Variants in PTPRA observed in about 807,000 individuals in gnomAD.
PTPRA encodes receptor-type tyrosine-protein phosphatase alpha.
A neutral mutation model predicts 104.8 loss-of-function variants in PTPRA; 25 were observed. That is an observed-to-expected ratio of 0.24 (90% confidence interval 0.17 to 0.33). The LOEUF (loss-of-function observed/expected upper bound fraction) is 0.33, where lower values mean the gene tolerates loss of function less well. Ranked by LOEUF, PTPRA falls within the 10% of genes least tolerant of loss-of-function variation. The pLI, the probability that PTPRA is intolerant of heterozygous loss-of-function variation, is 1.00. For missense variants in PTPRA, 765 were observed against 1,015.3 expected, an observed-to-expected ratio of 0.75 and a Z score of 3.35; for synonymous variants, 323 against 368.9, an observed-to-expected ratio of 0.88 and a Z score of 1.43.
chr20:2,961,751 T>A (rs1457400758), intron 3 of PTPRA, among the ~76,000 whole-genome samples: 1 of 152,224 alleles, frequency 6.6e-6, no homozygotes, highest in African/African-American at 2.4e-5. Flanking sequence ...TTATGATTGA[T>A]ATTTAGGTCT....
the PTPRA span, chr20:2,864,930 G>A: frequency 7.4e-6 from 12 of 1,611,484 alleles, no homozygotes; most frequent in East Asian, 2.2e-5. This position sits in a 1 kb window ranked among gnomAD's most constrained non-coding sequence, Gnocchi z 5.2. Context: ...TGAGGAGGGC[G>A]AGGGTCCTGC....
At chr20:2,871,794 G>A (rs767848963), upstream of PTPRA, among the ~76,000 whole-genome samples, 3 of 152,230 alleles carry the variant, frequency 2.0e-5, no homozygotes, top group Non-Finnish European at 4.4e-5. Context: ...ACTGGGGTCT[G>A]AGCGTTAGGA....
intron 13 of PTPRA, among the ~76,000 whole-genome samples, chr20:3,019,573 T>G (rs1406877592): frequency 2.8e-5 from 4 of 141,090 alleles, no homozygotes; most frequent in South Asian, 2.3e-4. Context: ...GGGCAGAGAC[T>G]CTCCTCACTT....
chr20:2,881,131 A>G (rs2090024249), intron 1 of PTPRA, among the ~76,000 whole-genome samples: 1 of 151,944 alleles, frequency 6.6e-6, no homozygotes, highest in African/African-American at 2.4e-5. Flanking sequence ...ACACAGTGAA[A>G]CCCCATCTCT....
intron 1 of PTPRA, among the ~76,000 whole-genome samples, chr20:2,882,148 A>G (rs946209074): frequency 2.0e-5 from 3 of 152,260 alleles, no homozygotes; most frequent in Admixed American, 1.3e-4. Flanking sequence ...TGGAAGATGT[A>G]TAGAAAACAT....
chr20:3,037,094 A>T lies in PTPRA; in HGVS notation c.2199-60A>T. The stretch of plus-strand genomic sequence containing the variant: ...ACCTCTTCTGCCACTCACCACTGTC[A>T]CTCACCCCCTTGCACAGAGGGCCAT... On this transcript the variant is annotated intron_variant, in intron 22 of 23. Transcript: ENST00000399903. The surrounding 1 kb of genome is among the most constrained non-coding windows in gnomAD (Gnocchi z 4.3). 1.3e-6 allele frequency: 2 copies of T among 1,583,236 alleles called. No homozygotes were observed. Among genetic ancestry groups the T allele is most frequent in the Middle Eastern group, 3.5e-4 (2 of 5,778 alleles).
At position 2,918,087 on chromosome 20, in the gene PTPRA, CAAA is replaced by C. The variant is rs149539458; in HGVS notation, c.-128-5101_-128-5099del. 1.8e-3 allele frequency among the ~76,000 whole-genome samples: 168 copies of C among 94,292 alleles called. 1 individual carries two copies. Among genetic ancestry groups the C allele is most frequent in the African/African-American group, 4.6e-3 (107 of 23,360 alleles). 61.9% of individuals were successfully genotyped at this position (94,292 alleles called of 152,430 possible). ...TGGGCGATAGAGTGAGACTCTGTCT[CAAA>C]AAAAAAAAAAAAAAAAAAGACAGTG... On this transcript the variant is annotated intron_variant, in intron 1 of 23. Coordinates refer to ENST00000399903, the MANE Select transcript of PTPRA (RefSeq NM_001385305.1).
chr20:2,947,238 G>C (rs894236362), intron 2 of PTPRA, among the ~76,000 whole-genome samples: 1 of 152,092 alleles, frequency 6.6e-6, no homozygotes, highest in Non-Finnish European at 1.5e-5. Context: ...ATGGATTGTA[G>C]AGCTTAAATT....
intron 9 of PTPRA, among the ~76,000 whole-genome samples, chr20:2,992,291 C>T (rs1411986660): frequency 1.3e-5 from 2 of 151,550 alleles, no homozygotes; most frequent in Non-Finnish European, 1.5e-5. Flanking sequence ...CTGAGTTGGA[C>T]AGATCACCTG....
At chr20:2,919,992 A>G (rs570257878) in intron 1 of PTPRA, among the ~76,000 whole-genome samples, 2 of 152,358 alleles carry the variant, frequency 1.3e-5, no homozygotes, top group Non-Finnish European at 1.5e-5. Flanking sequence ...CTGAAACTAC[A>G]TATCTATGAC....
intron 1 of PTPRA, among the ~76,000 whole-genome samples, chr20:2,874,890 T>A (rs545221865): frequency 6.6e-6 from 1 of 152,312 alleles, no homozygotes; most frequent in East Asian, 1.9e-4. Flanking sequence ...TGCTGGCTAG[T>A]ATTCAGAGCT....
rs1160434807 is a variant in PTPRA, at chr20:2,908,034, A to C, written c.-128-15173A>C. 3.9e-5 allele frequency among the ~76,000 whole-genome samples: 6 copies of C among 152,300 alleles called. No individual in the cohort carries two copies. The East Asian group carries it at 1.2e-3, about 29-fold the overall frequency. ...CTGGATACATTTCTTCAGCTTCTTC[A>C]TGATTTAATTCACTTATCACTAGAA... On this transcript the variant is annotated intron_variant, in intron 1 of 23. Transcript: ENST00000399903.
intron 5 of PTPRA, among the ~76,000 whole-genome samples, chr20:2,969,624 GC>G (rs1196531052): frequency 2.7e-5 from 3 of 110,262 alleles, no homozygotes; most frequent in Non-Finnish European, 5.5e-5. Flanking sequence ...GGAGGCTGAG[GC>G]GGGCAGATCA....
intron 1 of PTPRA, among the ~76,000 whole-genome samples, chr20:2,901,661 G>A (rs1301899456): frequency 6.6e-6 from 1 of 152,066 alleles, no homozygotes; most frequent in East Asian, 1.9e-4. Context: ...ATTATTGTAA[G>A]TATATTGACT....
At chr20:3,020,682 A>G (rs1048565454) in intron 13 of PTPRA, among the ~76,000 whole-genome samples, 1 of 152,204 alleles carries the variant, frequency 6.6e-6, no homozygotes, top group Non-Finnish European at 1.5e-5. Context: ...CCAGCGAGGA[A>G]TACCTATTTG....
chr20:2,972,955 C>T (rs917799301), intron 5 of PTPRA, among the ~76,000 whole-genome samples: 22 of 152,102 alleles, frequency 1.4e-4, no homozygotes, highest in African/African-American at 5.3e-4. Flanking sequence ...CCTGGGCTCA[C>T]ATGATTCTCC....
In PTPRA at chr20:3,027,154, G is replaced by A. The variant is rs201796609; in HGVS notation, c.1742G>A (p.Arg581Gln). Residue 581 changes from arginine (R) to glutamine (Q), a missense_variant, in exon 19 of 24, where the codon CGG (arginine) becomes CAG (glutamine). Physicochemically the swap from Arg to Gln is conservative, Grantham distance 43. Around this residue, in one of 4 missense-constraint regions of PTPRA, gnomAD observed 192 missense variants for 227.0 expected, o/e 0.85. Transcript: ENST00000399903. ...EFNRVIIPVK[R>Q]GEENTDYVNA... ...AACAGAGTGATCATTCCAGTTAAGC[G>A]GGGCGAAGAGAATACAGACTATGTG... The A allele has an allele frequency of 3.2e-5, 51 of 1,614,170 alleles. No individual in the cohort carries two copies. The highest frequency in any genetic ancestry group is 6.6e-5 in the South Asian group (6 of 91,082).
chr20:2,885,861 C>T (rs1193287825), intron 1 of PTPRA, among the ~76,000 whole-genome samples: 4 of 151,862 alleles, frequency 2.6e-5, no homozygotes, highest in African/African-American at 4.8e-5. Flanking sequence ...GTCAGGAGTT[C>T]GAGAACAGCC....
chr20:2,964,891 T>C lies in PTPRA; in HGVS notation c.104T>C (p.Ile35Thr). ...CCTTCTGTAGGAATTACAAGATTAA[T>C]TAACTCATCAACGGCAGAACCAGTT... The part of the protein sequence containing the change: ...VAPSVGITRL[I>T]NSSTAEPVKE... The change falls in exon 5 of 24, where the codon ATT becomes ACT. Residue 35 changes from isoleucine to threonine, a missense_variant. By Grantham distance (89) the Ile-to-Thr change is moderately conservative (BLOSUM62 -1). This residue lies in a region of PTPRA where 256 missense variants were observed against 248.9 expected (regional missense o/e 1.03). Coordinates refer to ENST00000399903, the MANE Select transcript of PTPRA (RefSeq NM_001385305.1). 1 of 1,613,902 alleles carries C rather than the reference T, an allele frequency of 6.2e-7. No individual in the cohort carries two copies. The highest frequency in any genetic ancestry group is 8.5e-7 in the Non-Finnish European group (1 of 1,179,810).
Sources: gnomAD v4.1 joint callset for allele counts (sites outside exome capture counted in the v4.1 genomes callset) on GRCh38, gnomAD v4.1.1 for gene constraint, gnomAD v4.1.1 regional missense constraint, Gnocchi (gnomAD v3.1) non-coding constraint, MANE v1.5 for transcripts, NCBI Gene and HGNC (gene_info 2026-07-23, HGNC 2026-07-21) for gene names.